ZNF385D: variants seen among roughly 807,000 people sequenced by gnomAD.
The protein encoded by ZNF385D is zinc finger protein 385D, also known as zinc finger protein 659.
In ZNF385D, 15 loss-of-function variants were observed where a neutral mutation model predicts 35.8. That is an observed-to-expected ratio of 0.42 (90% CI 0.28 to 0.64). The LOEUF is 0.64. Ranked by LOEUF, ZNF385D falls within the 30% of genes least tolerant of loss-of-function variation. The probability of loss-of-function intolerance (pLI) is 0.23; values close to 1 mark genes in which losing one functional copy is unlikely to be tolerated. For synonymous variants in ZNF385D, 212 were observed against 186.8 expected, an observed-to-expected ratio of 1.13 and a Z score of -1.10; for missense variants, 474 against 494.6, an observed-to-expected ratio of 0.96 and a Z score of 0.39.
chr3:22,229,926 A>G (rs1027970983), intron 2 of ZNF385D, among the ~76,000 whole-genome samples: 12 of 152,094 alleles, frequency 7.9e-5, no homozygotes, highest in Non-Finnish European at 1.8e-4. Flanking sequence ...TGTACTGCCC[A>G]TTTGTAGCGC....
rs2070063807 is a variant in ZNF385D at position 21,751,198 on chromosome 3, T to C, written c.-282A>G. ...CCTTGCGATGTCCTTGCCGCGCCTG[T>C]GACATCAGGACTGAGAGTACTACAA... On this transcript the variant is annotated 5_prime_UTR_variant, in exon 1 of 8. Transcript: ENST00000281523. 1.5e-6 allele frequency: 2 copies of C among 1,360,000 alleles called. No individual in the cohort carries two copies. Among genetic ancestry groups the C allele is most frequent in the Non-Finnish European group, 1.9e-6 (2 of 1,053,062 alleles). 84.2% of individuals were successfully genotyped at this position (1,360,000 alleles called of 1,614,324 possible). A position where few individuals can be genotyped will look rare whatever the true frequency, so the allele number is the denominator to read the frequency against.
At chr3:21,982,079 G>GAT (rs1303649587) in intron 3 of ZNF385D, among the ~76,000 whole-genome samples, 2 of 133,254 alleles carry the variant, frequency 1.5e-5, no homozygotes, top group African/African-American at 5.8e-5. Context: ...TTTTAAAATA[G>GAT]TTTTTTTTTT....
chr3:21,921,104 T>C (rs966823656), intron 3 of ZNF385D, among the ~76,000 whole-genome samples: 1 of 150,896 alleles, frequency 6.6e-6, no homozygotes, highest in Non-Finnish European at 1.5e-5. Flanking sequence ...GCGCCTGTAG[T>C]CCCAGCTACT....
At chr3:21,806,799 G>GGCCGGGCGCGGTGGCTC (rs1169875711) in intron 3 of ZNF385D, among the ~76,000 whole-genome samples, 1 of 152,186 alleles carries the variant, frequency 6.6e-6, no homozygotes, top group Non-Finnish European at 1.5e-5. Context: ...ACAAACTCCT[G>GGCCGGGCGCGGTGGCTC]AACCTTCTTG....
chr3:21,722,978 A>C (rs896472668), intron 1 of ZNF385D, among the ~76,000 whole-genome samples: 27 of 152,194 alleles, frequency 1.8e-4, no homozygotes, highest in Non-Finnish European at 3.7e-4. Context: ...GTCCTAGCTC[A>C]CATATTTGTC....
intron 1 of ZNF385D, among the ~76,000 whole-genome samples, chr3:21,728,341 C>T (rs1229295708): frequency 6.6e-6 from 1 of 151,272 alleles, no homozygotes; most frequent in African/African-American, 2.4e-5. Context: ...AAATGTACAA[C>T]AAATATGGTG....
chr3:21,809,391 T>C (rs1046021294), intron 3 of ZNF385D, among the ~76,000 whole-genome samples: 11 of 151,982 alleles, frequency 7.2e-5, no homozygotes, highest in African/African-American at 2.6e-4. Context: ...ACAAAAAATA[T>C]ATAATATTGT....
intron 3 of ZNF385D, among the ~76,000 whole-genome samples, chr3:22,074,919 A>C (rs1225914924): frequency 6.6e-6 from 1 of 151,920 alleles, no homozygotes; most frequent in Admixed American, 6.6e-5. Context: ...CAACGTCACC[A>C]TCACCAAGAA....
At chr3:21,719,930 C>T (rs573647419) in intron 1 of ZNF385D, among the ~76,000 whole-genome samples, 3 of 152,306 alleles carry the variant, frequency 2.0e-5, no homozygotes, top group South Asian at 2.1e-4. Flanking sequence ...TCATAACTAG[C>T]TGTATGACCT....
chr3:22,364,988 CA>C (rs57362982), intron 2 of ZNF385D, among the ~76,000 whole-genome samples: 4,337 of 152,042 alleles, frequency 0.029, 199 homozygotes, highest in African/African-American at 0.1. Flanking sequence ...AAGCCAATTA[CA>C]AAAAGACAAA....
intron 3 of ZNF385D, among the ~76,000 whole-genome samples, chr3:21,791,009 C>T (rs2071905339): frequency 6.6e-6 from 1 of 152,178 alleles, no homozygotes; most frequent in Admixed American, 6.5e-5. Flanking sequence ...GAACTAGTGG[C>T]ACTTGAACCA....
rs141342709 is a variant in ZNF385D at position 22,185,317 on chromosome 3, T to C, written c.107-16282A>G. ...TATAATATTGTGTCATACTCGTTTG[T>C]AATTCAATGGTGCTCGTTAGTAAAA... On this transcript the variant is annotated intron_variant, in intron 2 of 5. Transcript: ENST00000494108. 1.9e-3 allele frequency among the ~76,000 whole-genome samples: 286 copies of C among 152,342 alleles called. 3 individuals are homozygous for C. Among genetic ancestry groups the C allele is most frequent in the African/African-American group, 6.5e-3 (270 of 41,580 alleles).
At chr3:21,703,392 G>A (rs2067768752) in intron 1 of ZNF385D, among the ~76,000 whole-genome samples, 1 of 152,092 alleles carries the variant, frequency 6.6e-6, no homozygotes, top group African/African-American at 2.4e-5. Context: ...CTGGGAGATA[G>A]AATTCAGCTT....
chr3:22,248,447 G>T (rs1003008442), intron 2 of ZNF385D, among the ~76,000 whole-genome samples: 4 of 152,134 alleles, frequency 2.6e-5, no homozygotes, highest in African/African-American at 9.7e-5. Context: ...TTCATAAAGA[G>T]CTATAGAGTG....
intron 3 of ZNF385D, among the ~76,000 whole-genome samples, chr3:22,089,473 G>A (rs1025315668): frequency 1.4e-4 from 21 of 152,258 alleles, no homozygotes; most frequent in Admixed American, 2.6e-4. Context: ...AGGCTCCTGC[G>A]GTACACGCAA....
chr3:22,325,825 G>T (rs942491074), intron 2 of ZNF385D, among the ~76,000 whole-genome samples: 6 of 144,024 alleles, frequency 4.2e-5, no homozygotes, highest in African/African-American at 1.5e-4. Context: ...GGAACAAAAA[G>T]AATCACATTT....
At chr3:21,946,126 A>G (rs1401223955) in intron 3 of ZNF385D, among the ~76,000 whole-genome samples, 1 of 152,178 alleles carries the variant, frequency 6.6e-6, no homozygotes, top group Non-Finnish European at 1.5e-5. Context: ...ACACCGGTGA[A>G]CCACAAAATT....
intron 3 of ZNF385D, among the ~76,000 whole-genome samples, chr3:22,155,680 C>T (rs75270166): frequency 0.012 from 1,749 of 152,086 alleles, 15 homozygotes; most frequent in South Asian, 0.022. Context: ...GAGAACATGT[C>T]CCTACTTTTA....
Position 21,670,657 on chromosome 3 carries a change from C to A in ZNF385D, c.23-5629G>T, listed in dbSNP as rs1213511981. ...AAAATGAAATCCTAAGGCGCCCCCC[C>A]CCCCCCCCCCCCCCCCAATGACTGA... On this transcript the variant is annotated intron_variant, in intron 1 of 7. Coordinates refer to ENST00000281523, the MANE Select transcript of ZNF385D (RefSeq NM_024697.3). Among the ~76,000 whole-genome samples the A allele has an allele frequency of 9.1e-4, 5 of 5,496 alleles. 2 individuals carry two copies. The highest frequency in any genetic ancestry group is 4.1e-3 in the Non-Finnish European group (5 of 1,232). The allele number at this position is 5,496 out of a possible 152,430, so 3.6% of individuals were successfully genotyped here. A position where few individuals can be genotyped will look rare whatever the true frequency, so the allele number is the denominator to read the frequency against.
Sources: gnomAD v4.1 joint callset for allele counts (sites outside exome capture counted in the v4.1 genomes callset) on GRCh38, gnomAD v4.1.1 for gene constraint, MANE v1.5 for transcripts, NCBI Gene and HGNC (gene_info 2026-07-23, HGNC 2026-07-21) for gene names.